Variants in CFAP44 observed in about 807,000 individuals in gnomAD.
CFAP44 encodes the protein cilia and flagella associated protein 44.
CFAP44 carries 134 observed loss-of-function variants against 216.2 expected under a neutral mutation model. The observed-to-expected ratio is 0.62, with a 90% CI of 0.54 to 0.72. CFAP44 has a LOEUF of 0.72. Ranked by LOEUF, CFAP44 falls within the 30% of genes least tolerant of loss-of-function variation. The pLI is 0.00. For synonymous variants in CFAP44, 700 were observed against 727.6 expected (o/e 0.96, Z 0.61); for missense variants, 2,035 against 2,182.1 (o/e 0.93, Z 1.34).
At chr3:113,327,895 T>C in intron 26 of CFAP44, 76 bp from the exon 27 acceptor site, 1 of 1,339,240 alleles carries the variant, frequency 7.5e-7, no homozygotes, top group South Asian at 1.4e-5. Flanking sequence ...ACAGTACTAA[T>C]TTGTATGAAG....
rs1933490959 is a variant in CFAP44 at position 113,380,965 on chromosome 3, GACT to G, written c.1983_1985del (p.Val662del). 6.3e-7 allele frequency: 1 copy of G among 1,597,918 alleles called. No homozygotes were observed. The highest frequency in any genetic ancestry group is 8.5e-7 in the Non-Finnish European group (1 of 1,172,044). On this transcript the variant is annotated inframe_deletion, in exon 16 of 35. Coordinates refer to ENST00000393845, the MANE Select transcript of CFAP44 (RefSeq NM_001164496.2). ...TGCACATGTCTTTGATTTCATAGGAGACTACATCATGATCATCCTCTTCTTGCT... is the reference window on the plus strand; with the variant it reads ...TGCACATGTCTTTGATTTCATAGGAGACATCATGATCATCCTCTTCTTGCT...
rs568184524 is a variant in CFAP44, at chr3:113,368,499, C to A, written c.2445-2190G>T. Among the ~76,000 whole-genome samples, 18 of 152,200 alleles carry A rather than the reference C, an allele frequency of 1.2e-4. No individual in the cohort carries two copies. The East Asian group carries it at 1.9e-3, about 16-fold the overall frequency. On this transcript the variant is annotated intron_variant, in intron 18 of 34. Coordinates refer to ENST00000393845, the MANE Select transcript of CFAP44 (RefSeq NM_001164496.2). ...CATATCCAGTCAAACTAAGCTTCAT[C>A]AGTGAAGGAGAAATAAAATACTTTA...
chr3:113,409,430 C>G lies in CFAP44; in HGVS notation c.674-108G>C, dbSNP rs1476652842. 9.7e-6 allele frequency: 9 copies of G among 926,706 alleles called. No homozygotes were observed. In the East Asian group the frequency reaches 2.4e-4, roughly 24 times the overall value. 57.4% of individuals were successfully genotyped at this position (926,706 alleles called of 1,614,324 possible). A position where few individuals can be genotyped will look rare whatever the true frequency, so the allele number is the denominator to read the frequency against. On this transcript the variant is annotated intron_variant, in intron 6 of 34. Coordinates refer to ENST00000393845, the MANE Select transcript of CFAP44 (RefSeq NM_001164496.2). ...TCAGCCCATGGTGATGTAAGAATGC[C>G]AAGAATACCCTAAAGGAACAATTCC...
chr3:113,341,046 C>G (rs1244802148), intron 24 of CFAP44, among the ~76,000 whole-genome samples: 1 of 152,226 alleles, frequency 6.6e-6, no homozygotes, highest in Non-Finnish European at 1.5e-5. Context: ...TCAGCGTGCT[C>G]TTGATGACCA....
intron 22 of CFAP44, among the ~76,000 whole-genome samples, chr3:113,357,787 A>T (rs1220051174): frequency 1.3e-5 from 2 of 152,174 alleles, no homozygotes; most frequent in Non-Finnish European, 2.9e-5. Context: ...AACTGACAGG[A>T]TCTAACAAAA....
chr3:113,376,812 A>C, intron 17 of CFAP44, among the ~76,000 whole-genome samples: 1 of 149,788 alleles, frequency 6.7e-6, no homozygotes, highest in East Asian at 1.9e-4. Flanking sequence ...TTCAGGAAAT[A>C]AAATTAAGAT....
intron 33 of CFAP44, among the ~76,000 whole-genome samples, chr3:113,296,177 A>G (rs1419540956): frequency 2.0e-5 from 3 of 152,200 alleles, no homozygotes; most frequent in African/African-American, 7.2e-5. Flanking sequence ...GTTATTTCAT[A>G]TAGGATAATG....
At chr3:113,376,215 G>A (rs1352716853) in intron 17 of CFAP44, among the ~76,000 whole-genome samples, 1 of 152,200 alleles carries the variant, frequency 6.6e-6, no homozygotes, top group Non-Finnish European at 1.5e-5. Flanking sequence ...TAGTAACTAA[G>A]TGGATGATTG....
rs557264876 is a variant in CFAP44 at position 113,330,251 on chromosome 3, C to T, written c.4033G>A (p.Ala1345Thr). The change falls in exon 26 of 35, where the codon GCA becomes ACA. Residue 1345 changes from alanine to threonine, a missense_variant. Transcript: ENST00000393845. ...TCCAGCTCCACATCCGTTGGCTCTG[C>T]TTTTTCAAATTCCAAACACTTTGGT... is the stretch of plus-strand genomic sequence containing the variant. ...DIPKCLEFEKAEPTDVELEIM... is the reference protein window; with the variant it reads ...DIPKCLEFEKTEPTDVELEIM... 1.3e-6 allele frequency: 2 copies of T among 1,537,412 alleles called. No individual in the cohort carries two copies. The highest frequency in any genetic ancestry group is 1.7e-6 in the Non-Finnish European group (2 of 1,146,972).
chr3:113,334,613 T>C (rs1559914755), intron 24 of CFAP44, among the ~76,000 whole-genome samples: 1 of 151,972 alleles, frequency 6.6e-6, no homozygotes, highest in African/African-American at 2.4e-5. Flanking sequence ...AGGACAGGTA[T>C]AGAGAGTGGA....
At chr3:113,379,258 A>C in intron 17 of CFAP44, 48 bp downstream of exon 17, 1 of 1,338,778 alleles carries the variant, frequency 7.5e-7, no homozygotes, top group Non-Finnish European at 1.0e-6. Flanking sequence ...ATAACTATAA[A>C]CTATATTGAA....
At position 113,288,784 on chromosome 3, in the gene CFAP44, G is replaced by A. The variant is rs1490436277; in HGVS notation, c.*2773C>T. Reference sequence around the variant, plus strand: ...TGGCTCACAGACCTCCCTAAGCTGGGGAGCCCGCTGTGGTGGGACAGGCTG... The same window carrying A: ...TGGCTCACAGACCTCCCTAAGCTGGAGAGCCCGCTGTGGTGGGACAGGCTG... On this transcript the variant is annotated 3_prime_UTR_variant, in exon 35 of 35. Coordinates refer to ENST00000393845, the MANE Select transcript of CFAP44 (RefSeq NM_001164496.2). 6.6e-6 allele frequency: 1 copy of A among 152,290 alleles called. No individual in the cohort carries two copies. Among genetic ancestry groups the A allele is most frequent in the African/African-American group, 2.4e-5 (1 of 41,458 alleles). 9.4% of individuals were successfully genotyped at this position (152,290 alleles called of 1,614,324 possible). A position where few individuals can be genotyped will look rare whatever the true frequency, so the allele number is the denominator to read the frequency against.
At chr3:113,407,914 G>C (rs1559938893) in intron 7 of CFAP44, among the ~76,000 whole-genome samples, 3 of 152,262 alleles carry the variant, frequency 2.0e-5, no homozygotes, top group African/African-American at 7.2e-5. Context: ...CTTCACACAT[G>C]AAATTAACTG....
intron 17 of CFAP44, among the ~76,000 whole-genome samples, chr3:113,373,883 T>C (rs553791720): frequency 2.6e-5 from 4 of 152,268 alleles, no homozygotes; most frequent in Admixed American, 1.3e-4. Context: ...CAGGAACAAA[T>C]ATTAGGGTTT....
chr3:113,395,060 G>C (rs1933953285), intron 15 of CFAP44, among the ~76,000 whole-genome samples: 1 of 152,054 alleles, frequency 6.6e-6, no homozygotes, highest in African/African-American at 2.4e-5. Flanking sequence ...ATATTTTATG[G>C]CCCTTTTATT....
chr3:113,399,894 C>T lies in CFAP44; in HGVS notation c.1569+12G>A. ...AATAGATTCTGGTAGTTCATTATAA[C>T]AACAAACTTACCATTCGGGGTACCC... On this transcript the variant is annotated intron_variant, in intron 13 of 34. Transcript: ENST00000393845. 1 of 1,554,434 alleles carries T rather than the reference C, an allele frequency of 6.4e-7. No homozygotes were observed. Among genetic ancestry groups the T allele is most frequent in the Non-Finnish European group, 8.7e-7 (1 of 1,148,178 alleles).
chr3:113,301,719 TGATA>T (rs1182918070), intron 32 of CFAP44, among the ~76,000 whole-genome samples: 3 of 152,210 alleles, frequency 2.0e-5, no homozygotes, highest in Non-Finnish European at 2.9e-5. Flanking sequence ...ATGGCTAGAT[TGATA>T]GATTGAGCTA....
chr3:113,328,096 C>T (rs1017868736), intron 26 of CFAP44, among the ~76,000 whole-genome samples: 1 of 151,944 alleles, frequency 6.6e-6, no homozygotes, highest in African/African-American at 2.4e-5. Context: ...TCTTGCTTTA[C>T]TGTGTAGCTT....
chr3:113,397,991 A>T (rs1162242471), intron 13 of CFAP44, among the ~76,000 whole-genome samples: 1 of 152,170 alleles, frequency 6.6e-6, no homozygotes, highest in Non-Finnish European at 1.5e-5. Context: ...GAATGTACCA[A>T]ATCTACTGTC....
Sources: allele counts gnomAD v4.1 joint callset (sites outside exome capture counted in the v4.1 genomes callset), GRCh38; gene constraint gnomAD v4.1.1; transcripts MANE v1.5; gene names NCBI Gene and HGNC (gene_info 2026-07-23, HGNC 2026-07-21).